The following TRIP12 variants were observed in gnomAD, a reference collection of about 807,000 sequenced individuals.
The protein encoded by TRIP12 is E3 ubiquitin-protein ligase TRIP12.
Under a neutral mutation model 244.2 loss-of-function variants are expected in TRIP12, and 25 were observed. The observed-to-expected ratio is 0.10, with a 90% CI of 0.07 to 0.14. The LOEUF is 0.14. Ranked by LOEUF, TRIP12 falls within the 10% of genes least tolerant of loss-of-function variation. The probability of loss-of-function intolerance (pLI) is 1.00; values close to 1 mark genes in which losing one functional copy is unlikely to be tolerated. For synonymous variants in TRIP12, 905 were observed against 873.1 expected, an observed-to-expected ratio of 1.04 and a Z score of -0.64; for missense variants, 1,677 against 2,486.4, an observed-to-expected ratio of 0.67 and a Z score of 6.92.
chr2:229,787,390 T>A (rs1329779642), intron 33 of TRIP12, 115 bp downstream of exon 33: 2 of 1,074,732 alleles, frequency 1.9e-6, no homozygotes, highest in Non-Finnish European at 2.6e-6. Context: ...TAGGGCTAGC[T>A]GAATATGACC....
chr2:229,870,384 A>G (rs373251850), intron 2 of TRIP12, among the ~76,000 whole-genome samples: 4 of 152,260 alleles, frequency 2.6e-5, no homozygotes, highest in African/African-American at 9.6e-5. Context: ...CTGGATGGAC[A>G]TGACATGGTA....
intron 1 of TRIP12, among the ~76,000 whole-genome samples, chr2:229,891,207 TC>T (rs2067270830): frequency 1.3e-5 from 2 of 151,766 alleles, no homozygotes; most frequent in Non-Finnish European, 2.9e-5. Flanking sequence ...GATCACTTGA[TC>T]TCAGGAGTTT....
At chr2:229,824,534 A>G (rs983373656) in intron 8 of TRIP12, among the ~76,000 whole-genome samples, 1 of 152,256 alleles carries the variant, frequency 6.6e-6, no homozygotes, top group Non-Finnish European at 1.5e-5. Context: ...CTGAAAACTC[A>G]AATGTCCAAC....
rs1198342434 is a variant in TRIP12, at chr2:229,764,198, T to A, written c.*3356A>T. The A allele has an allele frequency of 1.4e-5, 2 of 147,734 alleles. No individual in the cohort carries two copies. The highest frequency in any genetic ancestry group is 3.9e-4 in the East Asian group (2 of 5,128). The allele number at this position is 147,734 out of a possible 1,614,324, so 9.2% of individuals were successfully genotyped here. ...ATTTATAAATGCTATTTTGTCTGGA[T>A]TTTTTTTTTTGAGGTAACAAAGGAA... On this transcript the variant is annotated 3_prime_UTR_variant, in exon 42 of 42. Coordinates refer to ENST00000675903, the MANE Select transcript of TRIP12 (RefSeq NM_001348323.3).
At position 229,814,008 on chromosome 2, in the gene TRIP12, C is replaced by T. The variant is rs745556059; in HGVS notation, c.1848G>A (p.Leu616=). 1 of 1,580,820 alleles carries T rather than the reference C, an allele frequency of 6.3e-7. No individual in the cohort carries two copies. Among genetic ancestry groups the T allele is most frequent in the Non-Finnish European group, 8.7e-7 (1 of 1,154,128 alleles). Residue 616 remains leucine, a synonymous_variant, in exon 13 of 42, where the codon CTG becomes CTA. Transcript: ENST00000675903. ...CATTTATGCTGAAGAATTCTAGGTA[C>T]AGCAAGCAGTCTGCCAAACCACCCT... ...LQAGGLADCL[L]YLEFFSINAQ...
chr2:229,784,966 A>G (rs2039526120), intron 34 of TRIP12, among the ~76,000 whole-genome samples: 2 of 152,246 alleles, frequency 1.3e-5, no homozygotes, highest in East Asian at 3.8e-4. Flanking sequence ...CCACAAGGAA[A>G]TGAATACAAA....
chr2:229,816,495 C>T (rs1277505487), intron 9 of TRIP12, among the ~76,000 whole-genome samples: 1 of 152,020 alleles, frequency 6.6e-6, no homozygotes, highest in Admixed American at 6.6e-5. Flanking sequence ...ACCCTTTCAC[C>T]AAAAATGGCT....
At position 229,811,150 on chromosome 2, in the gene TRIP12, A is replaced by C; in HGVS notation, c.2041T>G (p.Phe681Val). 6.2e-7 allele frequency: 1 copy of C among 1,614,136 alleles called. No homozygotes were observed. The highest frequency in any genetic ancestry group is 8.5e-7 in the Non-Finnish European group (1 of 1,180,010). Residue 681 changes from phenylalanine (F) to valine (V), a missense_variant, in exon 14 of 42, where the codon TTC becomes GTC. Around this residue, in one of 11 missense-constraint regions of TRIP12, gnomAD observed 572 missense variants for 867.8 expected, o/e 0.66. Transcript: ENST00000675903. ...TAAACACTTACCTCCTCATGCTGGA[A>C]GTTGTCCACTAGGCGTGCAAAACAA... The part of the protein sequence containing the change: ...CLCFARLVDN[F>V]QHEENLLQQV...
intron 1 of TRIP12, among the ~76,000 whole-genome samples, chr2:229,907,296 A>G (rs1190376078): frequency 1.3e-5 from 2 of 152,212 alleles, no homozygotes; most frequent in Non-Finnish European, 2.9e-5. Flanking sequence ...AAGAATCCTG[A>G]AAAGTATGTA....
chr2:229,866,506 A>G (rs2154342238), intron 2 of TRIP12, among the ~76,000 whole-genome samples: 1 of 152,342 alleles, frequency 6.6e-6, no homozygotes, highest in East Asian at 1.9e-4. Flanking sequence ...GTGTGTAGGC[A>G]GGTATTTTAT....
chr2:229,839,217 G>C (rs2055682963), intron 5 of TRIP12, among the ~76,000 whole-genome samples: 1 of 152,186 alleles, frequency 6.6e-6, no homozygotes, highest in Non-Finnish European at 1.5e-5. Context: ...ACAGTATTCT[G>C]TAAGGTAACG....
At chr2:229,874,050 A>G (rs1047868179) in intron 2 of TRIP12, among the ~76,000 whole-genome samples, 2 of 142,836 alleles carry the variant, frequency 1.4e-5, no homozygotes, top group African/African-American at 5.5e-5. Flanking sequence ...AATAAACCAT[A>G]AAAAAAAAAC....
chr2:229,829,246 G>A lies in TRIP12; in HGVS notation c.1397C>T (p.Pro466Leu). 1 of 1,613,764 alleles carries A rather than the reference G, an allele frequency of 6.2e-7. No homozygotes were observed. Among genetic ancestry groups the A allele is most frequent in the Non-Finnish European group, 8.5e-7 (1 of 1,179,876 alleles). The change falls in exon 8 of 42, where the codon CCT (proline) becomes CTT (leucine). Residue 466 changes from proline to leucine, a missense_variant. By Grantham distance (98) the Pro-to-Leu change is moderately conservative (BLOSUM62 -3). This residue lies in a region of TRIP12 where 143 missense variants were observed against 215.6 expected (regional missense o/e 0.66). Coordinates refer to ENST00000675903, the MANE Select transcript of TRIP12 (RefSeq NM_001348323.3). ...ARGLPPHLFG[P>L]LGPRMSQLFH... ...AAGCTGTGACATCCGAGGACCAAGA[G>A]GACCAAATAGGTGAGGGGGAAGACC...
chr2:229,863,293 ATTATT>A (rs2154339134), intron 2 of TRIP12, among the ~76,000 whole-genome samples: 1 of 152,208 alleles, frequency 6.6e-6, no homozygotes, highest in African/African-American at 2.4e-5. Context: ...CTTACCTAAA[ATTATT>A]TTAAAGTGTG....
chr2:229,775,007 T>A (rs1351284472), intron 37 of TRIP12, among the ~76,000 whole-genome samples: 1 of 152,128 alleles, frequency 6.6e-6, no homozygotes, highest in Non-Finnish European at 1.5e-5. Context: ...GCAAATTCCA[T>A]CTAAAACTGA....
intron 15 of TRIP12, among the ~76,000 whole-genome samples, chr2:229,809,190 T>C (rs1278027648): frequency 1.3e-5 from 2 of 152,254 alleles, no homozygotes; most frequent in African/African-American, 4.8e-5. Context: ...ATGTGGATAG[T>C]GAACTGCCTG....
chr2:229,814,192 A>T (rs2047942039), intron 12 of TRIP12, 41 bp downstream of exon 12: 1 of 1,600,500 alleles, frequency 6.2e-7, no homozygotes, highest in Non-Finnish European at 8.5e-7. Context: ...TAAAAATTCT[A>T]CATAAAGTGA....
chr2:229,900,437 A>G (rs1442119781), intron 1 of TRIP12, among the ~76,000 whole-genome samples: 1 of 152,246 alleles, frequency 6.6e-6, no homozygotes, highest in South Asian at 2.1e-4. Context: ...ATTTCTTCCT[A>G]AAGAGAAATC....
chr2:229,841,763 A>G (rs182467770), intron 4 of TRIP12, among the ~76,000 whole-genome samples: 81 of 152,336 alleles, frequency 5.3e-4, no homozygotes, highest in African/African-American at 1.7e-3. Context: ...TCAGAGACTA[A>G]TTAATTATAC....
Sources: allele counts gnomAD v4.1 joint callset (sites outside exome capture counted in the v4.1 genomes callset), GRCh38; gene constraint gnomAD v4.1.1; regional missense constraint gnomAD v4.1.1; transcripts MANE v1.5; gene names NCBI Gene and HGNC (gene_info 2026-07-23, HGNC 2026-07-21).